SPRTN: variants seen among roughly 807,000 people sequenced by gnomAD.
SPRTN encodes SprT-like N-terminal domain.
Under a neutral mutation model 31.9 loss-of-function variants are expected in SPRTN, and 11 were observed. That is an observed-to-expected ratio of 0.34 (90% CI 0.22 to 0.57). The LOEUF (loss-of-function observed/expected upper bound fraction) is 0.57, where lower values mean the gene tolerates loss of function less well. Among genes scored for constraint, SPRTN ranks in the 20% least tolerant of loss-of-function variants. The pLI is 0.86. For synonymous variants in SPRTN, 185 were observed against 212.1 expected, an observed-to-expected ratio of 0.87 and a Z score of 1.11; for missense variants, 482 against 590.1, an observed-to-expected ratio of 0.82 and a Z score of 1.90.
intron 2 of SPRTN, among the ~76,000 whole-genome samples, chr1:231,346,950 A>AG (rs1687080735): frequency 6.6e-6 from 1 of 151,794 alleles, no homozygotes; most frequent in African/African-American, 2.4e-5. Context: ...TCAAAAAAAA[A>AG]AGAATTTTAA....
intron 4 of SPRTN, 132 bp downstream of exon 4, chr1:231,351,703 C>G: frequency 6.8e-7 from 1 of 1,472,736 alleles, no homozygotes; most frequent in Non-Finnish European, 8.9e-7. Context: ...CAAGTGTAGA[C>G]TTAAGGAAAA....
Position 231,354,461 on chromosome 1 carries a change from A to G in SPRTN, c.*1100A>G, listed in dbSNP as rs1035080791. ...AGTGCACAGCTGGGTAAACTTTTAC[A>G]GTGTTCACCTGTGTAACTACCACCC... is the stretch of plus-strand genomic sequence containing the variant. On this transcript the variant is annotated 3_prime_UTR_variant, in exon 5 of 5. Coordinates refer to ENST00000295050, the MANE Select transcript of SPRTN (RefSeq NM_032018.7). 1.1e-6 allele frequency: 1 copy of G among 875,292 alleles called. No individual in the cohort carries two copies. The highest frequency in any genetic ancestry group is 1.4e-6 in the Non-Finnish European group (1 of 729,340). 54.2% of individuals were successfully genotyped at this position (875,292 alleles called of 1,614,324 possible). A position where few individuals can be genotyped will look rare whatever the true frequency, so the allele number is the denominator to read the frequency against.
rs1335790234 is a variant in SPRTN, at chr1:231,354,905, G to A, written c.*1544G>A. Reference sequence around the variant, plus strand: ...CTACCAGCAATGTATGAGAGTTTTAGTTGTTCACCATTCATAACACTGTTA... The same window carrying A: ...CTACCAGCAATGTATGAGAGTTTTAATTGTTCACCATTCATAACACTGTTA... On this transcript the variant is annotated 3_prime_UTR_variant, in exon 5 of 5. Coordinates refer to ENST00000295050, the MANE Select transcript of SPRTN (RefSeq NM_032018.7). The A allele has an allele frequency of 3.2e-6, 2 of 624,506 alleles. No individual in the cohort carries two copies. The highest frequency in any genetic ancestry group is 1.4e-4 in the East Asian group (1 of 7,154). The allele number at this position is 624,506 out of a possible 1,614,324, so 38.7% of individuals were successfully genotyped here.
chr1:231,343,622 C>T (rs965060788), intron 2 of SPRTN, among the ~76,000 whole-genome samples: 2 of 151,996 alleles, frequency 1.3e-5, no homozygotes, highest in African/African-American at 4.8e-5. Flanking sequence ...GACTAAACGT[C>T]GTCTTTACCA....
Position 231,355,007 on chromosome 1 carries a change from A to C in SPRTN, c.*1646A>C. On this transcript the variant is annotated 3_prime_UTR_variant, in exon 5 of 5. Coordinates refer to ENST00000295050, the MANE Select transcript of SPRTN (RefSeq NM_032018.7). ...TTAAAGCATTAAAACATTTTAATAA[A>C]TACTTATAAATAGGTATTAAAATGT... is the stretch of plus-strand genomic sequence containing the variant. The C allele has an allele frequency of 1.4e-6, 1 of 714,152 alleles. No individual in the cohort carries two copies. Among genetic ancestry groups the C allele is most frequent in the Non-Finnish European group, 1.7e-6 (1 of 582,702 alleles). The allele number at this position is 714,152 out of a possible 1,614,324, so 44.2% of individuals were successfully genotyped here.
Position 231,353,065 on chromosome 1 carries a change from A to G in SPRTN, c.1174A>G (p.Met392Val). The G allele has an allele frequency of 2.5e-6, 4 of 1,614,188 alleles. No individual in the cohort carries two copies. Among genetic ancestry groups the G allele is most frequent in the Non-Finnish European group, 3.4e-6 (4 of 1,180,006 alleles). The change falls in exon 5 of 5, where the codon ATG (methionine) becomes GTG (valine). Residue 392 changes from methionine to valine, a missense_variant. Transcript: ENST00000295050. ...AAAAGTAACGGAATCAGCATCTGTG[A>G]TGCCATCCCAGGATGTGAGTGGGTC... ...SSKVTESASV[M>V]PSQDVSGSED... is the part of the protein sequence containing the mutation.
Position 231,338,306 on chromosome 1 carries a change from G to T in SPRTN, c.-78G>T. ...CTCCTAGGAGCTAGTCCTGGTCCTC[G>T]GCTAGGCGGCTTGGGGTCGCGGCGT... On this transcript the variant is annotated 5_prime_UTR_variant, in exon 1 of 5. Transcript: ENST00000295050. 3 of 1,523,496 alleles carry T rather than the reference G, an allele frequency of 2.0e-6. No individual in the cohort carries two copies. Among genetic ancestry groups the T allele is most frequent in the Admixed American group, 1.7e-5 (1 of 58,382 alleles). 94.4% of individuals were successfully genotyped at this position (1,523,496 alleles called of 1,614,324 possible). A position where few individuals can be genotyped will look rare whatever the true frequency, so the allele number is the denominator to read the frequency against.
intron 3 of SPRTN, 76 bp downstream of exon 3, chr1:231,348,001 A>G: frequency 6.5e-7 from 1 of 1,534,842 alleles, no homozygotes; most frequent in African/African-American, 1.4e-5. Flanking sequence ...TTAAAAGTAG[A>G]GAACTAGGTA....
Position 231,353,418 on chromosome 1 carries a change from G to A in SPRTN, c.*57G>A. On this transcript the variant is annotated 3_prime_UTR_variant, in exon 5 of 5. Transcript: ENST00000295050. ...ATTATCTCACTAATGTGCTATGTCA[G>A]CCAGTCAGGAAGTTCTGGTTAATAC... 6.6e-7 allele frequency: 1 copy of A among 1,507,430 alleles called. No individual in the cohort carries two copies. The highest frequency in any genetic ancestry group is 8.8e-7 in the Non-Finnish European group (1 of 1,137,898). The allele number at this position is 1,507,430 out of a possible 1,614,324, so 93.4% of individuals were successfully genotyped here.
intron 2 of SPRTN, among the ~76,000 whole-genome samples, chr1:231,345,701 C>T (rs376672906): frequency 1.1e-4 from 16 of 152,284 alleles, no homozygotes; most frequent in African/African-American, 2.9e-4. Context: ...AATTGCACTC[C>T]CACCAGCAGT....
chr1:231,346,144 C>A (rs992330345), intron 2 of SPRTN, among the ~76,000 whole-genome samples: 3 of 142,846 alleles, frequency 2.1e-5, no homozygotes, highest in African/African-American at 8.0e-5. Flanking sequence ...TCGCATTTCT[C>A]TTTTTATAAA....
In SPRTN at chr1:231,353,234, C is replaced by G; in HGVS notation, c.1343C>G (p.Ser448Cys). ...TTTAQNSSSSSSQSKMVNCPV... is the reference protein window; with the variant it reads ...TTTAQNSSSSCSQSKMVNCPV... ...ACAGCTCAGAATTCCAGCAGTTCAT[C>G]CAGTCAGAGCAAAATGGTTAATTGC... The change falls in exon 5 of 5, where the codon TCC becomes TGC. Residue 448 changes from serine to cysteine, a missense_variant. Transcript: ENST00000295050. 1 of 1,614,056 alleles carries G rather than the reference C, an allele frequency of 6.2e-7. No individual in the cohort carries two copies. The highest frequency in any genetic ancestry group is 8.5e-7 in the Non-Finnish European group (1 of 1,179,976).
chr1:231,354,990 T>A lies in SPRTN; in HGVS notation c.*1629T>A, dbSNP rs1189549617. On this transcript the variant is annotated 3_prime_UTR_variant, in exon 5 of 5. Transcript: ENST00000295050. ...ACAAATTTTGATATTCCTTAAAGCA[T>A]TAAAACATTTTAATAAATACTTATA... is the stretch of plus-strand genomic sequence containing the variant. 24 of 890,168 alleles carry A rather than the reference T, an allele frequency of 2.7e-5. No individual in the cohort carries two copies. The highest frequency in any genetic ancestry group is 6.2e-5 in the Admixed American group (1 of 16,150). The allele number at this position is 890,168 out of a possible 1,614,324, so 55.1% of individuals were successfully genotyped here. A position where few individuals can be genotyped will look rare whatever the true frequency, so the allele number is the denominator to read the frequency against.
chr1:231,349,895 G>A (rs1284757542), intron 3 of SPRTN, among the ~76,000 whole-genome samples: 3 of 152,126 alleles, frequency 2.0e-5, no homozygotes, highest in African/African-American at 4.8e-5. Context: ...GCCTGTATTC[G>A]CGGCTACTCG....
chr1:231,342,715 C>T (rs1319081350), intron 2 of SPRTN, among the ~76,000 whole-genome samples: 2 of 151,044 alleles, frequency 1.3e-5, no homozygotes, highest in Non-Finnish European at 2.9e-5. Flanking sequence ...GTATGAGCCA[C>T]CATGCCCGGC....
Position 231,354,254 on chromosome 1 carries a change from T to C in SPRTN, c.*893T>C. On this transcript the variant is annotated 3_prime_UTR_variant, in exon 5 of 5. Transcript: ENST00000295050. ...AATACCATTTGTGCATTTTAAGTAA[T>C]CTTTTTTAAAAAAAATATTTTCCAT... The C allele has an allele frequency of 3.1e-6, 3 of 977,136 alleles. No individual in the cohort carries two copies. The highest frequency in any genetic ancestry group is 3.6e-6 in the Non-Finnish European group (3 of 822,362). 60.5% of individuals were successfully genotyped at this position (977,136 alleles called of 1,614,324 possible).
Position 231,353,430 on chromosome 1 carries a change from G to A in SPRTN, c.*69G>A. 6.7e-7 allele frequency: 1 copy of A among 1,497,622 alleles called. No homozygotes were observed. Among genetic ancestry groups the A allele is most frequent in the Non-Finnish European group, 8.8e-7 (1 of 1,133,320 alleles). The allele number at this position is 1,497,622 out of a possible 1,614,324, so 92.8% of individuals were successfully genotyped here. A position where few individuals can be genotyped will look rare whatever the true frequency, so the allele number is the denominator to read the frequency against. The stretch of plus-strand genomic sequence containing the variant: ...ATGTGCTATGTCAGCCAGTCAGGAA[G>A]TTCTGGTTAATACTAAGATTTGTAG... On this transcript the variant is annotated 3_prime_UTR_variant, in exon 5 of 5. Transcript: ENST00000295050.
intron 2 of SPRTN, among the ~76,000 whole-genome samples, chr1:231,346,178 CTTTTCTT>C (rs1245983616): frequency 4.0e-5 from 3 of 75,230 alleles, no homozygotes; most frequent in Non-Finnish European, 9.2e-5. Flanking sequence ...TTTTTCTTTT[CTTTTCTT>C]TTTTTTTTTT....
chr1:231,343,293 C>T (rs1389700564), intron 2 of SPRTN, among the ~76,000 whole-genome samples: 1 of 151,370 alleles, frequency 6.6e-6, no homozygotes, highest in African/African-American at 2.4e-5. Context: ...ACTCTATAGC[C>T]TAGGTATATA....
Sources: allele counts gnomAD v4.1 joint callset (sites outside exome capture counted in the v4.1 genomes callset), GRCh38; gene constraint gnomAD v4.1.1; transcripts MANE v1.5; gene names NCBI Gene and HGNC (gene_info 2026-07-23, HGNC 2026-07-21).